The following LPP variants were observed in gnomAD, a reference collection of about 807,000 sequenced individuals.
LPP encodes LIM domain containing preferred translocation partner in lipoma, also known as lipoma-preferred partner.
In LPP, 38 loss-of-function variants were observed where a neutral mutation model predicts 60.4. The observed-to-expected ratio is 0.63, with a 90% CI of 0.49 to 0.83. The LOEUF is 0.83. Ranked by LOEUF, LPP falls within the 40% of genes least tolerant of loss-of-function variation. The probability of loss-of-function intolerance (pLI) is 0.00; values close to 1 mark genes in which losing one functional copy is unlikely to be tolerated. For synonymous variants in LPP, 328 were observed against 290.8 expected (o/e 1.13, Z -1.30); for missense variants, 902 against 783.6 (o/e 1.15, Z -1.80).
chr3:188,334,422 C>CTTTTTTTTTTT (rs71167095), intron 2 of LPP, among the ~76,000 whole-genome samples: 2 of 98,674 alleles, frequency 2.0e-5, no homozygotes, highest in African/African-American at 4.0e-5. Flanking sequence ...ATATTTCTTT[C>CTTTTTTTTTTT]TTTTTTTTTT....
At chr3:188,278,893 C>T (rs1740959040) in intron 2 of LPP, among the ~76,000 whole-genome samples, 1 of 152,042 alleles carries the variant, frequency 6.6e-6, no homozygotes, top group Non-Finnish European at 1.5e-5. Flanking sequence ...CAGCCTGGGG[C>T]ACTTATATTA....
chr3:188,484,280 G>A (rs780071517), intron 4 of LPP, among the ~76,000 whole-genome samples: 19 of 152,110 alleles, frequency 1.2e-4, no homozygotes, highest in Non-Finnish European at 8.8e-5. Context: ...TGTATTGAGG[G>A]CAAGCACCAA....
chr3:188,436,919 G>C (rs947801418), intron 4 of LPP, among the ~76,000 whole-genome samples: 1 of 152,040 alleles, frequency 6.6e-6, no homozygotes, highest in African/African-American at 2.4e-5. Context: ...GACTTCGATG[G>C]GGGGTAGGAC....
chr3:188,839,049 C>A (rs147458418), intron 9 of LPP, among the ~76,000 whole-genome samples: 1 of 152,098 alleles, frequency 6.6e-6, no homozygotes, highest in African/African-American at 2.4e-5. Flanking sequence ...AAGTTGAAGT[C>A]AGGGTATAGG....
At chr3:188,824,885 C>A (rs148503126) in intron 9 of LPP, among the ~76,000 whole-genome samples, 2 of 152,212 alleles carry the variant, frequency 1.3e-5, no homozygotes, top group African/African-American at 4.8e-5. Flanking sequence ...GATGACATAC[C>A]AAGCTTTAGA....
At chr3:188,593,053 G>A (rs1410819005) in intron 6 of LPP, among the ~76,000 whole-genome samples, 2 of 151,990 alleles carry the variant, frequency 1.3e-5, no homozygotes, top group East Asian at 3.9e-4. Context: ...ATGGAAAAGT[G>A]TATGTTTTTC....
At position 188,523,106 on chromosome 3, in the gene LPP, C is replaced by A. The variant is rs761551936; in HGVS notation, c.307-1559C>A. On this transcript the variant is annotated intron_variant, in intron 5 of 11. Transcript: ENST00000617246. ...TATTTTTAGTGGAGACGGGTTTCAC[C>A]ATGTTGGCCAGGCTGGTCTTGAACT... Among the ~76,000 whole-genome samples, 81 of 152,080 alleles carry A rather than the reference C, an allele frequency of 5.3e-4. 1 individual carries two copies. Among genetic ancestry groups the A allele is most frequent in the Non-Finnish European group, 1.0e-4 (7 of 67,988 alleles).
chr3:188,542,052 T>TA (rs1165996763), intron 6 of LPP, among the ~76,000 whole-genome samples: 1 of 152,306 alleles, frequency 6.6e-6, no homozygotes, highest in African/African-American at 2.4e-5. Flanking sequence ...TGAGAAAACT[T>TA]AAAATCTCCC....
At position 188,401,228 on chromosome 3, in the gene LPP, A is replaced by G. The variant is rs554365062; in HGVS notation, c.-9-4884A>G. On this transcript the variant is annotated intron_variant, in intron 3 of 11. Coordinates refer to ENST00000617246, the MANE Select transcript of LPP (RefSeq NM_001375462.1). ...TCTTGTTATCTTCCTATTCAAGGAT[A>G]AAAGCTCTAGCTTCTTATCTTTATA... Among the ~76,000 whole-genome samples the G allele has an allele frequency of 9.2e-5, 14 of 152,304 alleles. No homozygotes were observed. In the South Asian group the frequency reaches 2.7e-3, roughly 29 times the overall value.
At position 188,888,132 on chromosome 3, in the gene LPP, CT is replaced by C. The variant is rs542262189; in HGVS notation, c.*13657del. 3 of 220,440 alleles carry C rather than the reference CT, an allele frequency of 1.4e-5. No homozygotes were observed. Among genetic ancestry groups the C allele is most frequent in the Non-Finnish European group, 2.7e-5 (3 of 110,010 alleles). The allele number at this position is 220,440 out of a possible 1,614,324, so 13.7% of individuals were successfully genotyped here. On this transcript the variant is annotated 3_prime_UTR_variant, in exon 12 of 12. Transcript: ENST00000617246. The stretch of plus-strand genomic sequence containing the variant: ...TGCATGTTTTCTGTATAATAAACCA[CT>C]TTTGTTTTGTTTGTTTTGTCTTTTA...
At chr3:188,240,515 T>C (rs1723981515) in intron 2 of LPP, among the ~76,000 whole-genome samples, 1 of 152,266 alleles carries the variant, frequency 6.6e-6, no homozygotes, top group South Asian at 2.1e-4. Flanking sequence ...TTGACTGCTT[T>C]ATTTTGTAGG....
At chr3:188,394,551 AGTGTGT>A (rs1209092729) in intron 3 of LPP, among the ~76,000 whole-genome samples, 22 of 146,988 alleles carry the variant, frequency 1.5e-4, no homozygotes, top group South Asian at 6.7e-4. Context: ...AAATATCTAA[AGTGTGT>A]GTGTGTGTGT....
rs186877227 is a variant in LPP, at chr3:188,460,697, A to C, written c.194-23895A>C. On this transcript the variant is annotated intron_variant, in intron 4 of 11. Transcript: ENST00000617246. ...ATTTTTATTTTGAAAGAACATGGCA[A>C]AGTGTGGAAAACAAGGAACATAGTT... Among the ~76,000 whole-genome samples the C allele has an allele frequency of 7.2e-5, 11 of 152,334 alleles. No individual in the cohort carries two copies. In the East Asian group the frequency reaches 1.9e-3, roughly 27 times the overall value.
intron 2 of LPP, among the ~76,000 whole-genome samples, chr3:188,331,896 A>G (rs574326175): frequency 2.0e-5 from 3 of 152,324 alleles, no homozygotes; most frequent in South Asian, 4.1e-4. Flanking sequence ...TATAATATTA[A>G]ATTCCAAGAC....
chr3:188,836,685 A>C (rs1758536897), intron 9 of LPP, among the ~76,000 whole-genome samples: 1 of 152,206 alleles, frequency 6.6e-6, no homozygotes, highest in African/African-American at 2.4e-5. Context: ...GTTTCTTATC[A>C]CTTTTTAATA....
chr3:188,341,424 G>A (rs1362671987), intron 2 of LPP, among the ~76,000 whole-genome samples: 1 of 152,286 alleles, frequency 6.6e-6, no homozygotes, highest in African/African-American at 2.4e-5. Flanking sequence ...CATGAGGATG[G>A]TGTTAGTTCC....
intron 3 of LPP, among the ~76,000 whole-genome samples, chr3:188,362,317 A>G (rs539186607): frequency 1.3e-5 from 2 of 152,324 alleles, no homozygotes; most frequent in South Asian, 4.1e-4. Context: ...CAAAGATTCT[A>G]TGCTAATATC....
intron 2 of LPP, among the ~76,000 whole-genome samples, chr3:188,303,888 T>C (rs1750711115): frequency 6.6e-6 from 1 of 152,194 alleles, no homozygotes; most frequent in African/African-American, 2.4e-5. Context: ...CCATTTCTAA[T>C]GGGAAATAAA....
chr3:188,348,097 G>C (rs1764875117), intron 3 of LPP, among the ~76,000 whole-genome samples: 1 of 152,044 alleles, frequency 6.6e-6, no homozygotes, highest in South Asian at 2.1e-4. Context: ...TGATTTACTT[G>C]GGTCTCAGGT....
Sources: gnomAD v4.1 joint callset for allele counts (sites outside exome capture counted in the v4.1 genomes callset) on GRCh38, gnomAD v4.1.1 for gene constraint, MANE v1.5 for transcripts, NCBI Gene and HGNC (gene_info 2026-07-23, HGNC 2026-07-21) for gene names.